ACTR3C: variants seen among roughly 807,000 people sequenced by gnomAD.
ACTR3C encodes the protein actin-related protein 3C.
ACTR3C carries 18 observed loss-of-function variants against 26.3 expected under a neutral mutation model. That is an observed-to-expected ratio of 0.68 (90% CI 0.47 to 1.01). The LOEUF (loss-of-function observed/expected upper bound fraction) is 1.01, where lower values mean the gene tolerates loss of function less well. Among genes scored for constraint, ACTR3C ranks in the 50% least tolerant of loss-of-function variants. The pLI is 0.00. For synonymous variants in ACTR3C, 55 were observed against 94.5 expected (o/e 0.58, Z 2.42); for missense variants, 184 against 250.7 (o/e 0.73, Z 1.80).
At chr7:150,179,729 A>C in the ACTR3C span, among the ~76,000 whole-genome samples, 1 of 151,694 alleles carries the variant, frequency 6.6e-6, no homozygotes, top group African/African-American at 2.4e-5. Context: ...GGCCTCAAGA[A>C]ATCCTCCCTG....
the ACTR3C span, among the ~76,000 whole-genome samples, chr7:150,057,070 A>G: frequency 2.0e-5 from 3 of 151,448 alleles, no homozygotes; most frequent in Non-Finnish European, 4.4e-5. Flanking sequence ...GAGATATTCA[A>G]ATCCCTAGGA....
the ACTR3C span, among the ~76,000 whole-genome samples, chr7:150,014,850 C>A: frequency 1.3e-5 from 2 of 152,156 alleles, no homozygotes; most frequent in Non-Finnish European, 2.9e-5. Flanking sequence ...CTCCTCACTG[C>A]AATAACTGGG....
chr7:150,183,696 C>CAAAAAAAAAAAAAA, the ACTR3C span, among the ~76,000 whole-genome samples: 2 of 48,034 alleles, frequency 4.2e-5, 1 homozygote, highest in African/African-American at 1.4e-4. Flanking sequence ...GTGGCTATGG[C>CAAAAAAAAAAAAAA]AAAAAAAAAA....
chr7:150,265,481 G>A (rs1025713400), intron 6 of ACTR3C, among the ~76,000 whole-genome samples: 1 of 151,950 alleles, frequency 6.6e-6, no homozygotes, highest in African/African-American at 2.4e-5. Context: ...ATCACCTGAG[G>A]TCAGGAGTTA....
the ACTR3C span, among the ~76,000 whole-genome samples, chr7:149,932,749 C>CAG: frequency 2.9e-5 from 4 of 136,676 alleles, no homozygotes; most frequent in South Asian, 2.3e-4. Context: ...GACAGCAGGG[C>CAG]GAGACAGGGC....
chr7:150,015,858 C>T, the ACTR3C span, among the ~76,000 whole-genome samples: 2 of 152,206 alleles, frequency 1.3e-5, no homozygotes, highest in Non-Finnish European at 2.9e-5. Context: ...TTGCTAGGAG[C>T]ATTCTGGTAG....
the ACTR3C span, among the ~76,000 whole-genome samples, chr7:150,125,224 T>C: frequency 6.7e-6 from 1 of 149,008 alleles, no homozygotes; most frequent in Non-Finnish European, 1.5e-5. Context: ...CTCTACCAAG[T>C]TAAAAAAAAA....
chr7:150,068,175 A>G, the ACTR3C span, among the ~76,000 whole-genome samples: 5 of 152,190 alleles, frequency 3.3e-5, no homozygotes, highest in African/African-American at 1.2e-4. Context: ...GCTTAGATAA[A>G]CTAGTAACAT....
intron 6 of ACTR3C, among the ~76,000 whole-genome samples, chr7:150,278,153 C>T (rs1219189879): frequency 6.6e-6 from 1 of 152,154 alleles, no homozygotes; most frequent in Non-Finnish European, 1.5e-5. Context: ...CGCTACTCTC[C>T]TTCACCCTAG....
At chr7:150,247,707 G>A (rs1015206529) in intron 7 of ACTR3C, 138 bp from the exon 8 acceptor site, 1 of 144,396 alleles carries the variant, frequency 6.9e-6, no homozygotes, top group African/African-American at 2.6e-5. Context: ...CTTGGAGGCG[G>A]GGCCTGGTGG....
At chr7:149,914,507 C>T in the ACTR3C span, among the ~76,000 whole-genome samples, 3 of 151,508 alleles carry the variant, frequency 2.0e-5, no homozygotes, top group Non-Finnish European at 4.4e-5. Flanking sequence ...GCACAAGAAT[C>T]GCGTGAGCCC....
chr7:150,208,518 G>A, the ACTR3C span, among the ~76,000 whole-genome samples: 1 of 151,968 alleles, frequency 6.6e-6, no homozygotes, highest in African/African-American at 2.4e-5. Context: ...ATACGCAAAA[G>A]GGCCCTATTT....
chr7:150,174,439 C>G, the ACTR3C span, among the ~76,000 whole-genome samples: 1 of 140,918 alleles, frequency 7.1e-6, no homozygotes, highest in Admixed American at 6.7e-5. Context: ...CTGGGTCCCT[C>G]CCACAACACA....
chr7:150,048,357 C>T, the ACTR3C span, among the ~76,000 whole-genome samples: 2 of 152,226 alleles, frequency 1.3e-5, no homozygotes, highest in South Asian at 4.1e-4. Flanking sequence ...GGCCTCCTCC[C>T]CGCGCCCGGG....
the ACTR3C span, among the ~76,000 whole-genome samples, chr7:149,989,534 G>T: frequency 6.6e-6 from 1 of 152,166 alleles, no homozygotes; most frequent in South Asian, 2.1e-4. Flanking sequence ...TGTGGTATTT[G>T]TCTTTCTGTG....
chr7:149,971,457 A>T, the ACTR3C span, among the ~76,000 whole-genome samples: 1 of 152,190 alleles, frequency 6.6e-6, no homozygotes, highest in Non-Finnish European at 1.5e-5. Context: ...TCATGTTAGG[A>T]TCCTTACACA....
chr7:149,945,320 A>AGGCTGCAGGGTCTTGGGGCC, the ACTR3C span, among the ~76,000 whole-genome samples: 1 of 138,732 alleles, frequency 7.2e-6, no homozygotes, highest in Non-Finnish European at 1.6e-5. Flanking sequence ...CATCAGTGAC[A>AGGCTGCAGGGTCTTGGGGCC]ACCTCCCAGC....
the ACTR3C span, among the ~76,000 whole-genome samples, chr7:150,222,614 A>C: frequency 2.9e-4 from 44 of 152,206 alleles, no homozygotes; most frequent in Non-Finnish European, 5.3e-4. Context: ...ATAGTGGAAG[A>C]GAGGGCCCTT....
At chr7:149,980,204 A>G in the ACTR3C span, among the ~76,000 whole-genome samples, 1 of 152,252 alleles carries the variant, frequency 6.6e-6, no homozygotes, top group African/African-American at 2.4e-5. Flanking sequence ...AGATTGGTCA[A>G]ATATGTAAAA....
Sources: allele counts gnomAD v4.1 joint callset (sites outside exome capture counted in the v4.1 genomes callset), GRCh38; gene constraint gnomAD v4.1.1; transcripts MANE v1.5; gene names NCBI Gene and HGNC (gene_info 2026-07-23, HGNC 2026-07-21).